Variants in PCBP3 observed in about 807,000 individuals in gnomAD.
The protein encoded by PCBP3 is poly(rC)-binding protein 3.
PCBP3 carries 25 observed loss-of-function variants against 52.7 expected under a neutral mutation model. That is an observed-to-expected ratio of 0.47 (90% CI 0.35 to 0.66). PCBP3 has a LOEUF of 0.66. Among genes scored for constraint, PCBP3 ranks in the 30% least tolerant of loss-of-function variants. The pLI is 0.01. For synonymous variants in PCBP3, 162 were observed against 183.0 expected (o/e 0.89, Z 0.93); for missense variants, 391 against 490.3 (o/e 0.80, Z 1.91).
rs2080061425 is a variant in PCBP3, at chr21:45,656,971, GC to G, written c.-278-11901del. Among the ~76,000 whole-genome samples, 1 of 152,010 alleles carries G rather than the reference GC, an allele frequency of 6.6e-6. No individual in the cohort carries two copies. The highest frequency in any genetic ancestry group is 6.6e-5 in the Admixed American group (1 of 15,258). On this transcript the variant is annotated intron_variant, in intron 1 of 17. Coordinates refer to ENST00000681687, the MANE Select transcript of PCBP3 (RefSeq NM_001384156.1). The surrounding 1 kb of genome is among the most constrained non-coding windows in gnomAD (Gnocchi z 4.3). Reference sequence around the variant, plus strand: ...CGAGTAGCTGGGACTACAGGTGCCCGCCACTGCGCCTGGCTAATTTTTTGTA... The same window carrying G: ...CGAGTAGCTGGGACTACAGGTGCCCGCACTGCGCCTGGCTAATTTTTTGTA...
chr21:45,808,953 A>G lies in PCBP3; in HGVS notation c.-125-41008A>G, dbSNP rs566964319. Among the ~76,000 whole-genome samples, 8 of 152,114 alleles carry G rather than the reference A, an allele frequency of 5.3e-5. No individual in the cohort carries two copies. The East Asian group carries it at 1.5e-3, about 29-fold the overall frequency. ...CTAACGCAAGAACAGAAAACCAAACACCACATGTTCTCACTCATAAGTGGG... is the reference window on the plus strand; with the variant it reads ...CTAACGCAAGAACAGAAAACCAAACGCCACATGTTCTCACTCATAAGTGGG... On this transcript the variant is annotated intron_variant, in intron 4 of 17. Transcript: ENST00000681687.
rs1475071293 is a variant in PCBP3, at chr21:45,837,666, G to T, written c.-125-12295G>T. Reference sequence around the variant, plus strand: ...CACCTGCAACCCCATATTTGCCCTGGTAGGTCTGAGGTGCGATTCCACTCA... The same window carrying T: ...CACCTGCAACCCCATATTTGCCCTGTTAGGTCTGAGGTGCGATTCCACTCA... On this transcript the variant is annotated intron_variant, in intron 4 of 17. Coordinates refer to ENST00000681687, the MANE Select transcript of PCBP3 (RefSeq NM_001384156.1). This position sits in a 1 kb window ranked among gnomAD's most constrained non-coding sequence, Gnocchi z 4.1. 6.6e-6 allele frequency among the ~76,000 whole-genome samples: 1 copy of T among 152,210 alleles called. No individual in the cohort carries two copies. Among genetic ancestry groups the T allele is most frequent in the East Asian group, 1.9e-4 (1 of 5,196 alleles).
At chr21:45,859,559 C>T (rs1284995073) in intron 5 of PCBP3, 1 of 152,288 alleles carries the variant, frequency 6.6e-6, no homozygotes, top group Non-Finnish European at 1.5e-5. Context: ...CACCCTGGCT[C>T]CCTGCCTCTG....
chr21:45,894,009 C>T, intron 5 of PCBP3: 2 of 985,578 alleles, frequency 2.0e-6, no homozygotes, highest in Non-Finnish European at 2.4e-6. Flanking sequence ...TTGCAGACGG[C>T]ATGGACGGGT....
chr21:45,846,880 A>G (rs1032688855), intron 4 of PCBP3, among the ~76,000 whole-genome samples: 1 of 152,288 alleles, frequency 6.6e-6, no homozygotes, highest in African/African-American at 2.4e-5. Context: ...GCCTTTTCAA[A>G]TCACTTGGCA....
At position 45,917,396 on chromosome 21, in the gene PCBP3, G is replaced by A. The variant is rs959658544; in HGVS notation, c.676-192G>A. ...GCTCAGCTCTGCCCGCCCAGAGGAA[G>A]TGGGTGCGGCTCCCCTGGGGCTCCT... On this transcript the variant is annotated intron_variant, in intron 12 of 17. Transcript: ENST00000681687. The surrounding 1 kb of genome is among the most constrained non-coding windows in gnomAD (Gnocchi z 5.3). 37 of 462,590 alleles carry A rather than the reference G, an allele frequency of 8.0e-5. 1 individual carries two copies. The Admixed American group carries it at 1.1e-3, about 14-fold the overall frequency. The allele number at this position is 462,590 out of a possible 1,614,324, so 28.7% of individuals were successfully genotyped here.
intron 5 of PCBP3, among the ~76,000 whole-genome samples, chr21:45,869,698 G>C (rs1456017319): frequency 6.6e-6 from 1 of 152,194 alleles, no homozygotes; most frequent in South Asian, 2.1e-4. Context: ...TGGAGACCTC[G>C]GTGGACAGAA....
At chr21:45,832,347 G>T (rs1320177835) in intron 4 of PCBP3, among the ~76,000 whole-genome samples, 1 of 152,164 alleles carries the variant, frequency 6.6e-6, no homozygotes, top group Non-Finnish European at 1.5e-5. Context: ...TATCAGCAGG[G>T]TCTTTATGAC....
chr21:45,857,321 T>C (rs2094338991), intron 5 of PCBP3, among the ~76,000 whole-genome samples: 1 of 152,176 alleles, frequency 6.6e-6, no homozygotes, highest in Admixed American at 6.5e-5. Flanking sequence ...ATAAAACCCA[T>C]CTGATGAGAA....
At chr21:45,882,870 C>T (rs559158753) in intron 5 of PCBP3, among the ~76,000 whole-genome samples, 1 of 152,312 alleles carries the variant, frequency 6.6e-6, no homozygotes, top group African/African-American at 2.4e-5. Context: ...CGCTCTCCTC[C>T]ACCGGCCTGC....
At chr21:45,814,528 AGTGATGAGTGG>A (rs2147123823) in intron 4 of PCBP3, among the ~76,000 whole-genome samples, 1 of 34,634 alleles carries the variant, frequency 2.9e-5, no homozygotes, top group Non-Finnish European at 5.1e-5. Flanking sequence ...GTGGTGAGTG[AGTGATGAGTGG>A]TGAGTGAGTG....
chr21:45,923,579 A>G (rs2074791872), intron 13 of PCBP3, among the ~76,000 whole-genome samples: 2 of 152,104 alleles, frequency 1.3e-5, no homozygotes, highest in South Asian at 4.1e-4. Context: ...CGGGCGACTC[A>G]CTGGCCCGTG....
chr21:45,727,980 T>C (rs2085180336), intron 2 of PCBP3, among the ~76,000 whole-genome samples: 1 of 152,234 alleles, frequency 6.6e-6, no homozygotes, highest in Non-Finnish European at 1.5e-5. Flanking sequence ...TCGGGCAGTA[T>C]AAGCCCTCCC....
intron 4 of PCBP3, among the ~76,000 whole-genome samples, chr21:45,847,903 T>C (rs1411025264): frequency 1.3e-5 from 2 of 152,310 alleles, no homozygotes; most frequent in South Asian, 2.1e-4. Context: ...TGTTTCGTAG[T>C]TTTGCTTTTC....
chr21:45,861,540 G>C (rs1260216459), intron 5 of PCBP3, among the ~76,000 whole-genome samples: 1 of 152,170 alleles, frequency 6.6e-6, no homozygotes. Flanking sequence ...CACACCGAGA[G>C]CTGCTCAAGA....
At chr21:45,795,968 A>C (rs1472707477) in intron 4 of PCBP3, among the ~76,000 whole-genome samples, 1 of 152,230 alleles carries the variant, frequency 6.6e-6, no homozygotes, top group Non-Finnish European at 1.5e-5. Flanking sequence ...CTAAGTGAAC[A>C]GTTTTCTACA....
chr21:45,734,917 G>A (rs576322569), intron 2 of PCBP3, among the ~76,000 whole-genome samples: 14 of 152,282 alleles, frequency 9.2e-5, no homozygotes, highest in South Asian at 4.1e-4. Flanking sequence ...GTCTCTGCGC[G>A]GTGTTCACCT....
chr21:45,697,445 TAAAA>T (rs565003173), intron 2 of PCBP3, among the ~76,000 whole-genome samples: 136 of 152,240 alleles, frequency 8.9e-4, no homozygotes, highest in Middle Eastern at 3.4e-3. Flanking sequence ...ACAAACCACT[TAAAA>T]AATATCACAA....
Position 45,917,791 on chromosome 21 carries a change from T to C in PCBP3, c.717+162T>C, listed in dbSNP as rs575902488. 19 of 690,606 alleles carry C rather than the reference T, an allele frequency of 2.8e-5. No individual in the cohort carries two copies. The highest frequency in any genetic ancestry group is 4.7e-5 in the Non-Finnish European group (18 of 378,978). The allele number at this position is 690,606 out of a possible 1,614,324, so 42.8% of individuals were successfully genotyped here. On this transcript the variant is annotated intron_variant, in intron 13 of 17. Coordinates refer to ENST00000681687, the MANE Select transcript of PCBP3 (RefSeq NM_001384156.1). This position sits in a 1 kb window ranked among gnomAD's most constrained non-coding sequence, Gnocchi z 5.3. ...CGTATCCATATGACCTCGAATAACC[T>C]TTTAACCTCTTAGCACTAATTCTGC...
Sources: allele counts gnomAD v4.1 joint callset (sites outside exome capture counted in the v4.1 genomes callset), GRCh38; gene constraint gnomAD v4.1.1; non-coding constraint Gnocchi (gnomAD v3.1); transcripts MANE v1.5; gene names NCBI Gene and HGNC (gene_info 2026-07-23, HGNC 2026-07-21).